UBE2J1: variants seen among roughly 807,000 people sequenced by gnomAD.
UBE2J1 encodes ubiquitin conjugating enzyme E2 J1.
A neutral mutation model predicts 42.1 loss-of-function variants in UBE2J1; 17 were observed. The ratio of observed to expected loss-of-function variants is 0.40; its 90% CI spans 0.28 to 0.61. The LOEUF is 0.61. UBE2J1 is among the 20% of genes least tolerant of loss of function. The probability of loss-of-function intolerance (pLI) is 0.38; values close to 1 mark genes in which losing one functional copy is unlikely to be tolerated. For missense variants in UBE2J1, 291 were observed against 389.4 expected, an observed-to-expected ratio of 0.75 and a Z score of 2.13; for synonymous variants, 127 against 137.2, an observed-to-expected ratio of 0.93 and a Z score of 0.52.
intron 3 of UBE2J1, among the ~76,000 whole-genome samples, chr6:89,341,430 G>A (rs1042050909): frequency 8.5e-5 from 13 of 152,206 alleles, no homozygotes; most frequent in Non-Finnish European, 1.5e-5. Context: ...AACAATTAAA[G>A]AGGAATTAGA....
chr6:89,338,174 G>T, intron 5 of UBE2J1, 31 bp downstream of exon 5: 1 of 1,522,370 alleles, frequency 6.6e-7, no homozygotes, highest in Non-Finnish European at 9.1e-7. Flanking sequence ...ATACTATTCA[G>T]ACCTCAAGAA....
rs902656434 is a variant in UBE2J1 at position 89,335,524 on chromosome 6, A to G, written c.429-93T>C. 3.1e-6 allele frequency: 3 copies of G among 952,564 alleles called. No homozygotes were observed. In the African/African-American group the frequency reaches 5.1e-5, roughly 16 times the overall value. 59.0% of individuals were successfully genotyped at this position (952,564 alleles called of 1,614,324 possible). On this transcript the variant is annotated intron_variant, in intron 5 of 7. Coordinates refer to ENST00000435041, the MANE Select transcript of UBE2J1 (RefSeq NM_016021.3). ...TCAAATGCTCGATCATTAAACTTAA[A>G]AGAAAGGAACACTGGAAAATTCCAC...
rs141851895 is a variant in UBE2J1, at chr6:89,346,072, G to C, written c.32-2316C>G. On this transcript the variant is annotated intron_variant, in intron 1 of 7. Coordinates refer to ENST00000435041, the MANE Select transcript of UBE2J1 (RefSeq NM_016021.3). ...TGCCTGGCTAATTTTTAAATTTTTT[G>C]TAGAGCTGGGGTCCCCCTGTCTTGC... 9.1e-3 allele frequency among the ~76,000 whole-genome samples: 1,378 copies of C among 152,082 alleles called. 13 individuals carry two copies. The highest frequency in any genetic ancestry group is 0.026 in the African/African-American group (1,086 of 41,458).
In UBE2J1 at chr6:89,329,259, T is replaced by C. The variant is rs1230093388; in HGVS notation, c.*420A>G. On this transcript the variant is annotated 3_prime_UTR_variant, in exon 8 of 8. Coordinates refer to ENST00000435041, the MANE Select transcript of UBE2J1 (RefSeq NM_016021.3). ...TTTTGCTTTCCCTTTTCAACTCTTC[T>C]ATCCCTATACATTCTACATACGTAG... is the stretch of plus-strand genomic sequence containing the variant. 5.7e-6 allele frequency: 1 copy of C among 173,966 alleles called. No homozygotes were observed. The highest frequency in any genetic ancestry group is 1.2e-5 in the Non-Finnish European group (1 of 83,416). 10.8% of individuals were successfully genotyped at this position (173,966 alleles called of 1,614,324 possible). A position where few individuals can be genotyped will look rare whatever the true frequency, so the allele number is the denominator to read the frequency against.
At chr6:89,336,571 G>A (rs745566375) in intron 5 of UBE2J1, among the ~76,000 whole-genome samples, 50 of 150,462 alleles carry the variant, frequency 3.3e-4, no homozygotes, top group Non-Finnish European at 6.3e-4. Flanking sequence ...AGGCTCAAGC[G>A]ATCCTCCTGC....
chr6:89,330,095 AATAC>A, intron 7 of UBE2J1, 138 bp from the exon 8 acceptor site: 4 of 869,930 alleles, frequency 4.6e-6, no homozygotes, highest in Non-Finnish European at 7.0e-6. Context: ...TGTTACTAAT[AATAC>A]ATCCCTTGAG....
Position 89,352,542 on chromosome 6 carries a change from G to T in UBE2J1, c.28C>A (p.Pro10Thr). Reference sequence around the variant, plus strand: ...CAGGGGCCCCAGCCCTGCTCACCCGGACTCTTCAGGTTGTAGCGGGTCTCC... The same window carrying T: ...CAGGGGCCCCAGCCCTGCTCACCCGTACTCTTCAGGTTGTAGCGGGTCTCC... METRYNLKS[P>T]AVKRLMKEAA... The change falls in exon 1 of 8, where the codon CCG becomes ACG. Residue 10 changes from proline to threonine, a missense_variant. By Grantham distance (38) the Pro-to-Thr change is conservative. Coordinates refer to ENST00000435041, the MANE Select transcript of UBE2J1 (RefSeq NM_016021.3). 6.4e-7 allele frequency: 1 copy of T among 1,571,536 alleles called. No homozygotes were observed. Among genetic ancestry groups the T allele is most frequent in the Non-Finnish European group, 8.6e-7 (1 of 1,165,142 alleles).
chr6:89,350,965 C>T (rs1768463129), intron 1 of UBE2J1, among the ~76,000 whole-genome samples: 1 of 151,434 alleles, frequency 6.6e-6, no homozygotes, highest in South Asian at 2.1e-4. Flanking sequence ...AAATATACCA[C>T]AATGTAAATA....
At chr6:89,343,626 A>T (rs1562421684) in intron 2 of UBE2J1, 57 bp downstream of exon 2, 5 of 1,381,210 alleles carry the variant, frequency 3.6e-6, no homozygotes, top group East Asian at 4.8e-5. Flanking sequence ...AAGCAATTTT[A>T]AAAAATTTGT....
At chr6:89,342,284 G>C (rs1768259111) in intron 3 of UBE2J1, 40 bp downstream of exon 3, 15 of 1,605,694 alleles carry the variant, frequency 9.3e-6, no homozygotes, top group Non-Finnish European at 1.3e-5. Flanking sequence ...CTACCAGGAA[G>C]AGTGAAGCCA....
chr6:89,352,088 C>T (rs541666432), intron 1 of UBE2J1, among the ~76,000 whole-genome samples: 1 of 151,976 alleles, frequency 6.6e-6, no homozygotes, highest in East Asian at 1.9e-4. Context: ...CCAAGTGCTG[C>T]AAATAGGATA....
At chr6:89,344,258 T>C (rs116910638) in intron 1 of UBE2J1, among the ~76,000 whole-genome samples, 35 of 152,304 alleles carry the variant, frequency 2.3e-4, no homozygotes, top group Non-Finnish European at 4.9e-4. Context: ...GATCTCATGC[T>C]CGGTGAACAG....
intron 6 of UBE2J1, among the ~76,000 whole-genome samples, chr6:89,333,652 T>C (rs1035372754): frequency 6.6e-6 from 1 of 152,256 alleles, no homozygotes; most frequent in African/African-American, 2.4e-5. Flanking sequence ...CTGCCCCAGA[T>C]CGCACGGCAG....
chr6:89,345,194 G>A (rs1262758266), intron 1 of UBE2J1, among the ~76,000 whole-genome samples: 2 of 152,194 alleles, frequency 1.3e-5, no homozygotes, highest in Admixed American at 1.3e-4. Context: ...AATAATAAAA[G>A]TAAAATGTGT....
rs115943694 is a variant in UBE2J1, at chr6:89,335,133, T to C, written c.558+169A>G. ...AAACATTTCATGTACCCTATACATATATACACCTACTATGTAACCACAGAA... is the reference window on the plus strand; with the variant it reads ...AAACATTTCATGTACCCTATACATACATACACCTACTATGTAACCACAGAA... On this transcript the variant is annotated intron_variant, in intron 6 of 7. Coordinates refer to ENST00000435041, the MANE Select transcript of UBE2J1 (RefSeq NM_016021.3). Among the ~76,000 whole-genome samples, 212 of 152,310 alleles carry C rather than the reference T, an allele frequency of 1.4e-3. No homozygotes were observed. The highest frequency in any genetic ancestry group is 4.9e-3 in the African/African-American group (203 of 41,570).
intron 1 of UBE2J1, among the ~76,000 whole-genome samples, chr6:89,345,906 TAA>T (rs11309940): frequency 2.9e-3 from 384 of 133,004 alleles, no homozygotes; most frequent in East Asian, 2.4e-3. Flanking sequence ...AAACTACGTC[TAA>T]AAAAAAAAAA....
At chr6:89,345,673 C>T (rs776061546) in intron 1 of UBE2J1, among the ~76,000 whole-genome samples, 5 of 151,816 alleles carry the variant, frequency 3.3e-5, no homozygotes, top group Admixed American at 6.6e-5. Flanking sequence ...TTTGGGAGGC[C>T]GAGGCAGGTG....
chr6:89,327,093 T>C lies in UBE2J1; in HGVS notation c.*2586A>G, dbSNP rs1767923826. On this transcript the variant is annotated 3_prime_UTR_variant, in exon 8 of 8. Coordinates refer to ENST00000435041, the MANE Select transcript of UBE2J1 (RefSeq NM_016021.3). The stretch of plus-strand genomic sequence containing the variant: ...CATTTTTTTCAGTAGAATAAAACAA[T>C]AAGCAGCATGAAAACGTAAAGTGCT... 6.6e-6 allele frequency: 1 copy of C among 152,568 alleles called. No homozygotes were observed. Among genetic ancestry groups the C allele is most frequent in the Admixed American group, 6.6e-5 (1 of 15,254 alleles). 9.5% of individuals were successfully genotyped at this position (152,568 alleles called of 1,614,324 possible).
chr6:89,336,132 T>C (rs937633463), intron 5 of UBE2J1, among the ~76,000 whole-genome samples: 4 of 152,228 alleles, frequency 2.6e-5, no homozygotes, highest in African/African-American at 9.6e-5. Flanking sequence ...AAAACATATA[T>C]TGTTACACTG....
Sources: gnomAD v4.1 joint callset for allele counts (sites outside exome capture counted in the v4.1 genomes callset) on GRCh38, gnomAD v4.1.1 for gene constraint, MANE v1.5 for transcripts, NCBI Gene and HGNC (gene_info 2026-07-23, HGNC 2026-07-21) for gene names.